The following IL1RAPL2 variants were observed in gnomAD, a reference collection of about 807,000 sequenced individuals.
IL1RAPL2 encodes the protein interleukin 1 receptor accessory protein like 2.
Under a neutral mutation model 44.1 loss-of-function variants are expected in IL1RAPL2, and 3 were observed. That is an observed-to-expected ratio of 0.07 (90% CI 0.03 to 0.18). The LOEUF is 0.18. Ranked by LOEUF, IL1RAPL2 falls within the 10% of genes least tolerant of loss-of-function variation. The pLI is 1.00. For synonymous variants in IL1RAPL2, 181 were observed against 178.8 expected (o/e 1.01, Z -0.10); for missense variants, 391 against 496.4 (o/e 0.79, Z 2.02).
At chrX:104,861,669 C>T (rs1180110842) in intron 2 of IL1RAPL2, among the ~76,000 whole-genome samples, 2 of 110,681 alleles carry the variant, frequency 1.8e-5, no homozygotes. Context: ...GTACCAAAAT[C>T]CACCGATGCT....
At chrX:105,468,113 C>T (rs2036143285) in intron 5 of IL1RAPL2, among the ~76,000 whole-genome samples, 1 of 111,853 alleles carries the variant, frequency 8.9e-6, no homozygotes, top group Non-Finnish European at 1.9e-5. Flanking sequence ...AACGCTAGCA[C>T]GTGTTCCTAA....
chrX:105,523,762 T>C (rs1287899999), intron 6 of IL1RAPL2, among the ~76,000 whole-genome samples: 8 of 109,967 alleles, frequency 7.3e-5, no homozygotes. Flanking sequence ...ATAATTGCTT[T>C]ATTGCCAGGA....
chrX:104,893,592 A>G (rs1040998655), intron 2 of IL1RAPL2, among the ~76,000 whole-genome samples: 1 of 111,288 alleles, frequency 9.0e-6, no homozygotes. Context: ...CTGTTTTATC[A>G]GAGACTAGGA....
At chrX:104,657,634 A>T (rs1930296473) in intron 1 of IL1RAPL2, among the ~76,000 whole-genome samples, 1 of 111,764 alleles carries the variant, frequency 8.9e-6, no homozygotes, top group Admixed American at 9.5e-5. Flanking sequence ...GATCTAATTA[A>T]ACTAAAGAGC....
At chrX:105,561,966 A>T (rs2036941443) in intron 6 of IL1RAPL2, among the ~76,000 whole-genome samples, 3 of 111,571 alleles carry the variant, frequency 2.7e-5, no homozygotes, top group Admixed American at 1.9e-4. Flanking sequence ...GACTGTGAGG[A>T]GTAGCACTTC....
At chrX:105,207,217 G>A (rs1353120002) in intron 3 of IL1RAPL2, among the ~76,000 whole-genome samples, 1 of 110,420 alleles carries the variant, frequency 9.1e-6, no homozygotes, top group Admixed American at 9.7e-5. Context: ...AGTACCTCCT[G>A]TACAGAGGGT....
chrX:105,339,306 C>T (rs1007800291), intron 5 of IL1RAPL2, among the ~76,000 whole-genome samples: 6 of 73,434 alleles, frequency 8.2e-5, no homozygotes, highest in African/African-American at 2.4e-4. Context: ...CTAGGATTTC[C>T]CCAAAACATA....
intron 6 of IL1RAPL2, among the ~76,000 whole-genome samples, chrX:105,568,745 G>A (rs1261930511): frequency 1.8e-5 from 2 of 112,139 alleles, no homozygotes; most frequent in East Asian, 2.8e-4. Flanking sequence ...AACTGGGTAA[G>A]TTTCAAATGA....
At chrX:105,545,166 C>A (rs1206846956) in intron 6 of IL1RAPL2, among the ~76,000 whole-genome samples, 1 of 111,889 alleles carries the variant, frequency 8.9e-6, no homozygotes, top group Non-Finnish European at 1.9e-5. Flanking sequence ...CTCTACATTT[C>A]TTCCCGTAGT....
intron 2 of IL1RAPL2, among the ~76,000 whole-genome samples, chrX:104,979,445 T>C (rs1283459193): frequency 9.0e-6 from 1 of 111,236 alleles, no homozygotes; most frequent in East Asian, 2.8e-4. Context: ...TTAATAAATG[T>C]CACTAAATAA....
At chrX:105,687,986 A>G (rs746028794) in intron 6 of IL1RAPL2, among the ~76,000 whole-genome samples, 3 of 111,972 alleles carry the variant, frequency 2.7e-5, no homozygotes, top group Middle Eastern at 4.6e-3. Flanking sequence ...TGATTATCTC[A>G]ATAGATGCAG....
At chrX:104,741,163 G>A (rs138195034) in intron 2 of IL1RAPL2, among the ~76,000 whole-genome samples, 49 of 111,155 alleles carry the variant, frequency 4.4e-4, no homozygotes, top group Admixed American at 8.6e-4. Context: ...TATTAAAGTC[G>A]TCTTCACTTT....
chrX:105,766,089 A>C (rs1487624469), intron 10 of IL1RAPL2, among the ~76,000 whole-genome samples: 1 of 112,459 alleles, frequency 8.9e-6, no homozygotes, highest in African/African-American at 3.2e-5. Flanking sequence ...GTGATAAATA[A>C]ATCCGGAGTT....
intron 2 of IL1RAPL2, among the ~76,000 whole-genome samples, chrX:105,019,680 G>A (rs1044427652): frequency 9.0e-6 from 1 of 111,422 alleles, no homozygotes; most frequent in South Asian, 3.7e-4. Flanking sequence ...AATAAATCTG[G>A]CAACAATTTT....
intron 2 of IL1RAPL2, among the ~76,000 whole-genome samples, chrX:104,959,664 A>T (rs182277497): frequency 1.0e-3 from 117 of 111,506 alleles, no homozygotes; most frequent in Middle Eastern, 4.6e-3. Context: ...TCCCATGAAC[A>T]CAGTTGACCA....
chrX:105,690,534 C>G (rs377018987), intron 6 of IL1RAPL2, among the ~76,000 whole-genome samples: 3 of 111,602 alleles, frequency 2.7e-5, no homozygotes, highest in African/African-American at 9.7e-5. Flanking sequence ...AGACATAGGT[C>G]TTTTATTAAG....
intron 6 of IL1RAPL2, among the ~76,000 whole-genome samples, chrX:105,540,977 T>TTA (rs1208351710): frequency 1.0e-4 from 9 of 89,528 alleles, no homozygotes; most frequent in East Asian, 6.5e-4. Flanking sequence ...ATATGTTAGA[T>TTA]TATATATATA....
intron 5 of IL1RAPL2, among the ~76,000 whole-genome samples, chrX:105,309,968 G>C (rs1402563690): frequency 9.0e-6 from 1 of 111,129 alleles, no homozygotes; most frequent in East Asian, 2.8e-4. Flanking sequence ...TCTTTAACTA[G>C]TTTGAGTATC....
chrX:105,227,786 G>A (rs2034031579), intron 3 of IL1RAPL2, among the ~76,000 whole-genome samples: 1 of 111,683 alleles, frequency 9.0e-6, no homozygotes, highest in Non-Finnish European at 1.9e-5. Flanking sequence ...TTCCAATCAA[G>A]CTTAAAAGAT....
Sources: gnomAD v4.1 joint callset for allele counts (sites outside exome capture counted in the v4.1 genomes callset) on GRCh38, gnomAD v4.1.1 for gene constraint, MANE v1.5 for transcripts, NCBI Gene and HGNC (gene_info 2026-07-23, HGNC 2026-07-21) for gene names.